The following TRIP12 variants were observed in gnomAD, a reference collection of about 807,000 sequenced individuals.
The protein encoded by TRIP12 is E3 ubiquitin-protein ligase TRIP12.
A neutral mutation model predicts 244.2 loss-of-function variants in TRIP12; 25 were observed. That is an observed-to-expected ratio of 0.10 (90% CI 0.07 to 0.14). The LOEUF (loss-of-function observed/expected upper bound fraction) is 0.14. Ranked by LOEUF, TRIP12 falls within the 10% of genes least tolerant of loss-of-function variation. The pLI is 1.00. For missense variants in TRIP12, 1,677 were observed against 2,486.4 expected, an observed-to-expected ratio of 0.67 and a Z score of 6.92; for synonymous variants, 905 against 873.1, an observed-to-expected ratio of 1.04 and a Z score of -0.64.
chr2:229,764,362 T>C lies in TRIP12; in HGVS notation c.*3192A>G, dbSNP rs1010107127. 3.3e-5 allele frequency: 5 copies of C among 152,204 alleles called. No individual in the cohort carries two copies. Among genetic ancestry groups the C allele is most frequent in the African/African-American group, 1.2e-4 (5 of 41,458 alleles). 9.4% of individuals were successfully genotyped at this position (152,204 alleles called of 1,614,324 possible). A position where few individuals can be genotyped will look rare whatever the true frequency, so the allele number is the denominator to read the frequency against. On this transcript the variant is annotated 3_prime_UTR_variant, in exon 42 of 42. Transcript: ENST00000675903. ...TGACATTTCCAAACAATTATTCTCA[T>C]TACAGCAGGGAAAACAAAATGGATC...
rs775658776 is a variant in TRIP12, at chr2:229,808,305, A to C, written c.2286T>G (p.Ile762Met). The C allele has an allele frequency of 6.2e-7, 1 of 1,614,030 alleles. No homozygotes were observed. The highest frequency in any genetic ancestry group is 8.5e-7 in the Non-Finnish European group (1 of 1,180,006). Residue 762 changes from isoleucine (I) to methionine (M), a missense_variant, in exon 16 of 42, where the codon ATT becomes ATG. Around this residue, in one of 11 missense-constraint regions of TRIP12, gnomAD observed 572 missense variants for 867.8 expected, o/e 0.66. Transcript: ENST00000675903. ...CTTGAGGGCTTCGTGGAACAAGATC[A>C]ATCTGTTCCTGACAACTTCCATTGG... ...GASNGSCQEQ[I>M]DLVPRSPQEL...
At chr2:229,864,451 G>A (rs2154340579) in intron 2 of TRIP12, among the ~76,000 whole-genome samples, 1 of 152,154 alleles carries the variant, frequency 6.6e-6, no homozygotes, top group East Asian at 1.9e-4. Flanking sequence ...TAGAAACAAA[G>A]GAGTAAATGG....
chr2:229,902,168 G>T (rs1342285497), intron 1 of TRIP12, among the ~76,000 whole-genome samples: 1 of 152,094 alleles, frequency 6.6e-6, no homozygotes, highest in Non-Finnish European at 1.5e-5. Flanking sequence ...TGGATCACTT[G>T]AAGTCAGGAG....
chr2:229,865,724 G>A (rs2154341620), intron 2 of TRIP12, among the ~76,000 whole-genome samples: 1 of 152,068 alleles, frequency 6.6e-6, no homozygotes, highest in East Asian at 1.9e-4. Flanking sequence ...TCAAATGCTG[G>A]AAAATCCATG....
chr2:229,766,081 C>CA lies in TRIP12; in HGVS notation c.*1472dup, dbSNP rs2031627603. ...AATTAATTAAAACTTACAGAACAGT[C>CA]AAAAAAATTGATTTCTCAAAGTTCA... On this transcript the variant is annotated 3_prime_UTR_variant, in exon 42 of 42. Coordinates refer to ENST00000675903, the MANE Select transcript of TRIP12 (RefSeq NM_001348323.3). The CA allele has an allele frequency of 1.3e-5, 2 of 151,314 alleles. No individual in the cohort carries two copies. The highest frequency in any genetic ancestry group is 4.2e-4 in the South Asian group (2 of 4,786). The allele number at this position is 151,314 out of a possible 1,614,324, so 9.4% of individuals were successfully genotyped here.
At chr2:229,808,450 G>T in intron 15 of TRIP12, 81 bp from the exon 16 acceptor site, 1 of 854,838 alleles carries the variant, frequency 1.2e-6, no homozygotes, top group Non-Finnish European at 1.9e-6. Flanking sequence ...TGCCCAAGGG[G>T]GGAAAATAAT....
chr2:229,884,209 C>T (rs1560111369), intron 1 of TRIP12, among the ~76,000 whole-genome samples: 1 of 149,996 alleles, frequency 6.7e-6, no homozygotes, highest in Non-Finnish European at 1.5e-5. Context: ...AAAACTTAAA[C>T]TAAAAACATT....
At chr2:229,916,768 T>C (rs2075469805) in intron 1 of TRIP12, among the ~76,000 whole-genome samples, 1 of 152,028 alleles carries the variant, frequency 6.6e-6, no homozygotes, top group Non-Finnish European at 1.5e-5. Flanking sequence ...GGAAACCTCT[T>C]TTTGCCAATA....
intron 8 of TRIP12, among the ~76,000 whole-genome samples, chr2:229,821,631 A>G (rs2050079638): frequency 6.6e-6 from 1 of 152,184 alleles, no homozygotes; most frequent in Non-Finnish European, 1.5e-5. Flanking sequence ...TTCTCTTTTA[A>G]AATGTTTTCA....
chr2:229,894,751 G>T (rs988244857), intron 1 of TRIP12, among the ~76,000 whole-genome samples: 3 of 152,148 alleles, frequency 2.0e-5, no homozygotes, highest in African/African-American at 7.2e-5. Flanking sequence ...ATCACTTAAC[G>T]CAGCGATGCT....
chr2:229,874,957 T>C (rs1177231123), intron 2 of TRIP12, among the ~76,000 whole-genome samples: 1 of 152,182 alleles, frequency 6.6e-6, no homozygotes, highest in African/African-American at 2.4e-5. Context: ...AAAACGCTAC[T>C]GCATTGCCAA....
chr2:229,882,806 GT>G (rs976219456), intron 1 of TRIP12, among the ~76,000 whole-genome samples: 2 of 152,266 alleles, frequency 1.3e-5, no homozygotes, highest in East Asian at 1.9e-4. Flanking sequence ...TTGACCTAGA[GT>G]CACCTAGGTA....
At chr2:229,879,871 A>G (rs1380106310) in intron 2 of TRIP12, 111 bp downstream of exon 2, 3 of 1,220,990 alleles carry the variant, frequency 2.5e-6, no homozygotes. Flanking sequence ...ACAAATCAGG[A>G]AAAATTACCC....
intron 13 of TRIP12, among the ~76,000 whole-genome samples, chr2:229,812,911 A>G (rs1297861834): frequency 3.3e-5 from 5 of 152,234 alleles, no homozygotes; most frequent in Non-Finnish European, 5.9e-5. Flanking sequence ...TTTTAAAGCC[A>G]GGTTTCTAGA....
Position 229,794,439 on chromosome 2 carries a change from T to TGCCTGTG in TRIP12, c.3968+733_3968+739dup, listed in dbSNP as rs1279823477. Reference sequence around the variant, plus strand: ...AAAATTAATGGAACATGGTGGCACATGCCTGTGGCCCCAGCTACGTGGCAG... The same window carrying TGCCTGTG: ...AAAATTAATGGAACATGGTGGCACATGCCTGTGGCCTGTGGCCCCAGCTACGTGGCAG... On this transcript the variant is annotated intron_variant, in intron 26 of 41. Coordinates refer to ENST00000675903, the MANE Select transcript of TRIP12 (RefSeq NM_001348323.3). Among the ~76,000 whole-genome samples, 4 of 152,160 alleles carry TGCCTGTG rather than the reference T, an allele frequency of 2.6e-5. No homozygotes were observed. The South Asian group carries it at 8.3e-4, about 32-fold the overall frequency.
At chr2:229,830,960 T>C in intron 6 of TRIP12, 121 bp from the exon 7 acceptor site, 1 of 776,656 alleles carries the variant, frequency 1.3e-6, no homozygotes, top group Non-Finnish European at 2.2e-6. Context: ...AAACTTGTCT[T>C]GCTACTGTAC....
intron 2 of TRIP12, among the ~76,000 whole-genome samples, chr2:229,873,454 T>C (rs1576446765): frequency 6.6e-6 from 1 of 152,156 alleles, no homozygotes; most frequent in Non-Finnish European, 1.5e-5. Context: ...CAGTGAATAA[T>C]GTGGCCACCA....
At chr2:229,802,156 G>T in intron 21 of TRIP12, 96 bp downstream of exon 21, 2 of 867,302 alleles carry the variant, frequency 2.3e-6, no homozygotes, top group Non-Finnish European at 3.4e-6. Context: ...ATATATATAT[G>T]CTAATATGTT....
intron 34 of TRIP12, among the ~76,000 whole-genome samples, chr2:229,783,158 T>G (rs2038836101): frequency 6.6e-6 from 1 of 152,206 alleles, no homozygotes; most frequent in Admixed American, 6.5e-5. Context: ...AGGAATAACT[T>G]GTATCAATTT....
Sources: allele counts gnomAD v4.1 joint callset (sites outside exome capture counted in the v4.1 genomes callset), GRCh38; gene constraint gnomAD v4.1.1; regional missense constraint gnomAD v4.1.1; transcripts MANE v1.5; gene names NCBI Gene and HGNC (gene_info 2026-07-23, HGNC 2026-07-21).